HSPA9: variants seen among roughly 807,000 people sequenced by gnomAD.
The protein encoded by HSPA9 is heat shock protein family A (Hsp70) member 9.
Under a neutral mutation model 81.5 loss-of-function variants are expected in HSPA9, and 28 were observed. That is an observed-to-expected ratio of 0.34 (90% CI 0.25 to 0.47). The LOEUF (loss-of-function observed/expected upper bound fraction) is 0.47, where lower values mean the gene tolerates loss of function less well. Ranked by LOEUF, HSPA9 falls within the 20% of genes least tolerant of loss-of-function variation. HSPA9 has a pLI of 1.00. For missense variants in HSPA9, 678 were observed against 838.0 expected, an observed-to-expected ratio of 0.81 and a Z score of 2.36; for synonymous variants, 293 against 290.4, an observed-to-expected ratio of 1.01 and a Z score of -0.09.
At position 138,555,659 on chromosome 5, in the gene HSPA9, A is replaced by T; in HGVS notation, c.*378T>A. Reference sequence around the variant, plus strand: ...GGCTAACTAGAAGGATCTCATCCCCATATGTGGTCTCATTTCAAGTCTATG... The same window carrying T: ...GGCTAACTAGAAGGATCTCATCCCCTTATGTGGTCTCATTTCAAGTCTATG... On this transcript the variant is annotated 3_prime_UTR_variant, in exon 17 of 17. Transcript: ENST00000297185. 1 of 327,838 alleles carries T rather than the reference A, an allele frequency of 3.1e-6. No homozygotes were observed. The highest frequency in any genetic ancestry group is 5.9e-6 in the Non-Finnish European group (1 of 170,438). The allele number at this position is 327,838 out of a possible 1,614,324, so 20.3% of individuals were successfully genotyped here.
chr5:138,571,405 G>A (rs993644419), intron 3 of HSPA9, among the ~76,000 whole-genome samples: 3 of 151,922 alleles, frequency 2.0e-5, no homozygotes, highest in Non-Finnish European at 1.5e-5. Flanking sequence ...GGCTGGTCTC[G>A]AACTCCTGAC....
Position 138,561,657 on chromosome 5 carries a change from C to T in HSPA9, c.1105G>A (p.Ala369Thr), listed in dbSNP as rs777695218. The change falls in exon 10 of 17, where the codon GCT becomes ACT. Residue 369 changes from alanine to threonine, a missense_variant. By Grantham distance (58) the Ala-to-Thr change is moderately conservative. Around this residue, in one of 4 missense-constraint regions of HSPA9, gnomAD observed 484 missense variants for 647.5 expected, o/e 0.75. Transcript: ENST00000297185. Reference protein sequence around the residue: ...IRRTIAPCQKAMQDAEVSKSD... With the variant: ...IRRTIAPCQKTMQDAEVSKSD... ...TTGCTGACTTCTGCATCTTGCATAG[C>T]TTTTTGGCATGGAGCGATAGTCCTT... 1 of 1,614,066 alleles carries T rather than the reference C, an allele frequency of 6.2e-7. No individual in the cohort carries two copies. Among genetic ancestry groups the T allele is most frequent in the Non-Finnish European group, 8.5e-7 (1 of 1,180,052 alleles).
Position 138,555,529 on chromosome 5 carries a change from G to A in HSPA9, c.*508C>T, listed in dbSNP as rs1452823951. 1.7e-5 allele frequency: 3 copies of A among 179,934 alleles called. No homozygotes were observed. The highest frequency in any genetic ancestry group is 3.6e-5 in the Non-Finnish European group (3 of 84,300). 11.1% of individuals were successfully genotyped at this position (179,934 alleles called of 1,614,324 possible). ...AATATAAATAGCTAAGTTTCCCATT[G>A]TTCTAGATTCCTCTGCCCCATCTAC... On this transcript the variant is annotated 3_prime_UTR_variant, in exon 17 of 17. Transcript: ENST00000297185.
At position 138,556,550 on chromosome 5, in the gene HSPA9, G is replaced by A; in HGVS notation, c.1864C>T (p.Leu622=). The change falls in exon 16 of 17, where the codon CTG becomes TTG. Residue 622 remains leucine (L), a synonymous_variant. Transcript: ENST00000297185. The part of the protein sequence containing the change: ...KEEISKMREL[L]ARKDSETGEN... ...CCTGTTTCGCTGTCTTTTCTAGCCAGGAGCTCCCTCATTTTGGAAATCTCT... is the reference window on the plus strand; with the variant it reads ...CCTGTTTCGCTGTCTTTTCTAGCCAAGAGCTCCCTCATTTTGGAAATCTCT... 6.2e-7 allele frequency: 1 copy of A among 1,614,038 alleles called. No individual in the cohort carries two copies.
rs567041461 is a variant in HSPA9 at position 138,566,977 on chromosome 5, A to G, written c.879+24T>C. The G allele has an allele frequency of 2.2e-5, 36 of 1,610,472 alleles. No homozygotes were observed. In the African/African-American group the frequency reaches 2.8e-4, roughly 13 times the overall value. On this transcript the variant is annotated intron_variant, in intron 8 of 16. Transcript: ENST00000297185. The stretch of plus-strand genomic sequence containing the variant: ...AATTTCTCAATATCCCAACGTCTAC[A>G]TATTAACCACATTGGTAACTCACCT...
At chr5:138,568,856 A>T (rs1750821360) in intron 5 of HSPA9, 69 bp downstream of exon 5, 1 of 1,535,146 alleles carries the variant, frequency 6.5e-7, no homozygotes, top group Non-Finnish European at 9.0e-7. Flanking sequence ...GCTGGAGCAC[A>T]GGGAGCTAGT....
chr5:138,567,683 G>GAAA lies in HSPA9; in HGVS notation c.574_575insTTT (p.Thr192delinsIleSer). On this transcript the variant is annotated protein_altering_variant, in exon 6 of 17. Coordinates refer to ENST00000297185, the MANE Select transcript of HSPA9 (RefSeq NM_004134.7). ...CGAGTCATTGAAATAAGCTGGGACT[G>GAAA]TGATCACAGCATTTTTTGCTGTGTG... is the stretch of plus-strand genomic sequence containing the variant. 1 of 1,613,850 alleles carries GAAA rather than the reference G, an allele frequency of 6.2e-7. No individual in the cohort carries two copies. The highest frequency in any genetic ancestry group is 8.5e-7 in the Non-Finnish European group (1 of 1,179,804).
In HSPA9 at chr5:138,554,006, T is replaced by C. The variant is rs1388265352; in HGVS notation, c.*2031A>G. ...GTCACTGAAATTTTACCCCAACAGCTTTCCCAGCAGTGGACTGTGGGTGGG... is the reference window on the plus strand; with the variant it reads ...GTCACTGAAATTTTACCCCAACAGCCTTCCCAGCAGTGGACTGTGGGTGGG... On this transcript the variant is annotated 3_prime_UTR_variant, in exon 17 of 17. Coordinates refer to ENST00000297185, the MANE Select transcript of HSPA9 (RefSeq NM_004134.7). Among the ~76,000 whole-genome samples, 3 of 152,234 alleles carry C rather than the reference T, an allele frequency of 2.0e-5. No homozygotes were observed. Among genetic ancestry groups the C allele is most frequent in the Admixed American group, 2.0e-4 (3 of 15,290 alleles).
chr5:138,559,007 CAG>C (rs1750593608), intron 11 of HSPA9: 2 of 277,400 alleles, frequency 7.2e-6, no homozygotes, highest in African/African-American at 4.3e-5. Context: ...TACTTTTCTT[CAG>C]AGTGATGTGT....
intron 9 of HSPA9, among the ~76,000 whole-genome samples, chr5:138,564,187 TC>T (rs1317858505): frequency 1.1e-4 from 16 of 152,214 alleles, no homozygotes; most frequent in South Asian, 2.1e-4. Flanking sequence ...CACTGCAACC[TC>T]TGCCTCCTGG....
chr5:138,571,522 A>G (rs1401292255), intron 3 of HSPA9, among the ~76,000 whole-genome samples: 2 of 152,132 alleles, frequency 1.3e-5, no homozygotes, highest in Non-Finnish European at 2.9e-5. Context: ...TAAGACACAG[A>G]AACAGCTCCC....
chr5:138,558,576 T>C lies in HSPA9; in HGVS notation c.1492A>G (p.Lys498Glu). ...QGEREMAGDN[K>E]LLGQFTLIGI... ...ACCAAAGTAAACTGTCCAAGGAGTT[T>C]GTTGTCTCCAGCCATCTCTCTTTCA... The change falls in exon 12 of 17, where the codon AAA becomes GAA. Residue 498 changes from lysine to glutamate, a missense_variant. Transcript: ENST00000297185. The C allele has an allele frequency of 1.2e-6, 2 of 1,611,178 alleles. No individual in the cohort carries two copies. The highest frequency in any genetic ancestry group is 1.7e-6 in the Non-Finnish European group (2 of 1,177,344).
intron 10 of HSPA9, chr5:138,560,996 G>A (rs754946145): frequency 2.4e-5 from 11 of 466,914 alleles, no homozygotes; most frequent in African/African-American, 2.0e-4. Flanking sequence ...TTAGGTCCAA[G>A]ATAATCCTAT....
intron 9 of HSPA9, among the ~76,000 whole-genome samples, chr5:138,563,345 A>G (rs1750696890): frequency 6.6e-6 from 1 of 152,258 alleles, no homozygotes; most frequent in Admixed American, 6.5e-5. Flanking sequence ...CTATTATAGT[A>G]GCACGACTCT....
At chr5:138,567,392 TA>T in intron 7 of HSPA9, 62 bp downstream of exon 7, 1 of 1,319,382 alleles carries the variant, frequency 7.6e-7, no homozygotes, top group Non-Finnish European at 1.1e-6. Context: ...GCTCAATTAC[TA>T]AAAAATTAAG....
chr5:138,559,797 T>G, intron 11 of HSPA9, 67 bp downstream of exon 11: 1 of 1,034,404 alleles, frequency 9.7e-7, no homozygotes, highest in Non-Finnish European at 1.5e-6. Context: ...CTCATGAAAG[T>G]GGCTGCAATT....
intron 9 of HSPA9, among the ~76,000 whole-genome samples, chr5:138,565,475 TGTCACC>T (rs1348056588): frequency 6.6e-6 from 1 of 152,128 alleles, no homozygotes; most frequent in African/African-American, 2.4e-5. Context: ...AAAATAAAGG[TGTCACC>T]GCTCTGCTTT....
chr5:138,565,310 G>C (rs1385339471), intron 9 of HSPA9, among the ~76,000 whole-genome samples: 1 of 152,070 alleles, frequency 6.6e-6, no homozygotes. Context: ...ATGATAGCAG[G>C]GGCAAAGTAA....
At chr5:138,573,276 C>A (rs553940850) in intron 3 of HSPA9, among the ~76,000 whole-genome samples, 3 of 151,938 alleles carry the variant, frequency 2.0e-5, no homozygotes, top group African/African-American at 4.8e-5. Flanking sequence ...TAATCCACCC[C>A]CCTTGGCCTC....
Sources: gnomAD v4.1 joint callset for allele counts (sites outside exome capture counted in the v4.1 genomes callset) on GRCh38, gnomAD v4.1.1 for gene constraint, gnomAD v4.1.1 regional missense constraint, MANE v1.5 for transcripts, NCBI Gene and HGNC (gene_info 2026-07-23, HGNC 2026-07-21) for gene names.